CACNA2D1: variants seen among roughly 807,000 people sequenced by gnomAD.
CACNA2D1 encodes the protein voltage-dependent calcium channel subunit alpha-2/delta-1.
In CACNA2D1, 53 loss-of-function variants were observed where a neutral mutation model predicts 171.5. That is an observed-to-expected ratio of 0.31 (90% confidence interval 0.25 to 0.39). The LOEUF (loss-of-function observed/expected upper bound fraction) is 0.39, where lower values mean the gene tolerates loss of function less well. Among genes scored for constraint, CACNA2D1 ranks in the 10% least tolerant of loss-of-function variants. The probability of loss-of-function intolerance (pLI) is 1.00; values close to 1 mark genes in which losing one functional copy is unlikely to be tolerated. For synonymous variants in CACNA2D1, 442 were observed against 443.1 expected (o/e 1.00, Z 0.03); for missense variants, 903 against 1,299.8 (o/e 0.69, Z 4.69).
chr7:82,207,212 G>A (rs1272427887), intron 3 of CACNA2D1, among the ~76,000 whole-genome samples: 1 of 152,176 alleles, frequency 6.6e-6, no homozygotes, highest in Non-Finnish European at 1.5e-5. Flanking sequence ...TATTATATCA[G>A]CCCCTGGCTG....
At chr7:82,377,234 C>A (rs1313733033) in intron 1 of CACNA2D1, among the ~76,000 whole-genome samples, 1 of 152,150 alleles carries the variant, frequency 6.6e-6, no homozygotes, top group East Asian at 1.9e-4. Flanking sequence ...TGCCAAAAAA[C>A]CTAACATTCC....
rs555420156 is a variant in CACNA2D1 at position 82,093,643 on chromosome 7, G to T, written c.527-8743C>A. Among the ~76,000 whole-genome samples the T allele has an allele frequency of 2.5e-4, 38 of 152,214 alleles. 1 individual carries two copies. Among genetic ancestry groups the T allele is most frequent in the African/African-American group, 8.9e-4 (37 of 41,538 alleles). On this transcript the variant is annotated intron_variant, in intron 6 of 38. Coordinates refer to ENST00000356860, the MANE Select transcript of CACNA2D1 (RefSeq NM_000722.4). ...TTTAATATCTTATGTAACTTGGTGA[G>T]AAAATAATTTTTACAATGGCATATT...
At chr7:82,201,265 T>C (rs1799400715) in intron 3 of CACNA2D1, among the ~76,000 whole-genome samples, 2 of 152,062 alleles carry the variant, frequency 1.3e-5, no homozygotes, top group Non-Finnish European at 2.9e-5. Flanking sequence ...GGTTAATGAT[T>C]TAAGGAAAGA....
intron 4 of CACNA2D1, among the ~76,000 whole-genome samples, chr7:82,156,247 C>A (rs951561122): frequency 6.6e-6 from 1 of 152,110 alleles, no homozygotes; most frequent in Non-Finnish European, 1.5e-5. Flanking sequence ...AATTTAGTTA[C>A]AATCAGTGTC....
At chr7:82,395,223 A>C (rs543983375) in intron 1 of CACNA2D1, among the ~76,000 whole-genome samples, 1 of 152,244 alleles carries the variant, frequency 6.6e-6, no homozygotes, top group African/African-American at 2.4e-5. Context: ...AAAAAACTCC[A>C]ACTCTGATGG....
At chr7:82,419,661 T>C (rs1271173492) in intron 1 of CACNA2D1, among the ~76,000 whole-genome samples, 3 of 152,238 alleles carry the variant, frequency 2.0e-5, no homozygotes, top group Non-Finnish European at 2.9e-5. Flanking sequence ...CCTGTTTTAA[T>C]AGCATATTCG....
At chr7:82,005,636 T>C (rs1361690664) in intron 17 of CACNA2D1, 129 bp downstream of exon 17, 2 of 878,758 alleles carry the variant, frequency 2.3e-6, no homozygotes, top group African/African-American at 1.7e-5. Context: ...ATTTTAGAGA[T>C]GCTTTTAACC....
intron 3 of CACNA2D1, among the ~76,000 whole-genome samples, chr7:82,332,888 A>G (rs1252224294): frequency 7.2e-5 from 11 of 152,140 alleles, no homozygotes; most frequent in Admixed American, 2.0e-4. Flanking sequence ...AGTCCCAGCT[A>G]CTTGGAAGGC....
intron 15 of CACNA2D1, among the ~76,000 whole-genome samples, chr7:82,009,885 A>AT (rs951978979): frequency 2.0e-5 from 3 of 152,084 alleles, no homozygotes; most frequent in Non-Finnish European, 4.4e-5. Context: ...AACTCTTGTC[A>AT]TATCTCTTTT....
intron 6 of CACNA2D1, among the ~76,000 whole-genome samples, chr7:82,110,211 G>T (rs1788212355): frequency 6.6e-6 from 1 of 152,172 alleles, no homozygotes. Context: ...TTGGATGTTT[G>T]TATACTCCCA....
In CACNA2D1 at chr7:81,962,563, A is replaced by G. The variant is rs1246768210; in HGVS notation, c.2781-68T>C. The G allele has an allele frequency of 1.6e-5, 14 of 871,406 alleles. No individual in the cohort carries two copies. In the Admixed American group the frequency reaches 2.7e-4, roughly 17 times the overall value. 54.0% of individuals were successfully genotyped at this position (871,406 alleles called of 1,614,324 possible). The stretch of plus-strand genomic sequence containing the variant: ...AATGTGTTTTTACATGTACCCATAC[A>G]CATAAATACTGTTTCCCTTTATCTT... On this transcript the variant is annotated intron_variant, in intron 34 of 38. Transcript: ENST00000356860.
At chr7:82,262,358 A>C (rs1254999847) in intron 3 of CACNA2D1, among the ~76,000 whole-genome samples, 1 of 152,126 alleles carries the variant, frequency 6.6e-6, no homozygotes, top group East Asian at 1.9e-4. Context: ...TCCATCCATC[A>C]ATCAAACACT....
chr7:81,970,948 G>A (rs1474410006), intron 26 of CACNA2D1: 1 of 550,888 alleles, frequency 1.8e-6, no homozygotes, highest in Non-Finnish European at 3.3e-6. Flanking sequence ...TGACTGAGGT[G>A]CATTTTGAAC....
At chr7:82,297,016 C>T (rs754917536) in intron 3 of CACNA2D1, among the ~76,000 whole-genome samples, 27 of 138,408 alleles carry the variant, frequency 2.0e-4, no homozygotes, top group Admixed American at 3.9e-4. Context: ...GGGAAGATCG[C>T]TTAAGTCCAG....
chr7:81,971,207 G>C (rs1795230814), intron 26 of CACNA2D1: 4 of 182,418 alleles, frequency 2.2e-5, no homozygotes, highest in Non-Finnish European at 3.5e-5. Flanking sequence ...CTGCATTTTA[G>C]GAGTTAGATT....
intron 7 of CACNA2D1, among the ~76,000 whole-genome samples, chr7:82,074,816 A>G (rs1266519024): frequency 6.6e-6 from 1 of 152,162 alleles, no homozygotes; most frequent in Non-Finnish European, 1.5e-5. Context: ...TATTCAGATC[A>G]TATCACTATA....
chr7:81,965,043 G>A (rs1196216899), intron 32 of CACNA2D1, among the ~76,000 whole-genome samples: 4 of 151,796 alleles, frequency 2.6e-5, no homozygotes, highest in African/African-American at 9.7e-5. Flanking sequence ...ATCTAAAGGG[G>A]CAATCATGAG....
chr7:82,093,403 T>C (rs898276579), intron 6 of CACNA2D1, among the ~76,000 whole-genome samples: 5 of 152,198 alleles, frequency 3.3e-5, no homozygotes, highest in South Asian at 2.1e-4. Context: ...TTTATCTTGA[T>C]AAATTCTGAT....
intron 6 of CACNA2D1, among the ~76,000 whole-genome samples, chr7:82,092,740 A>G (rs1459809098): frequency 1.3e-5 from 2 of 151,866 alleles, no homozygotes; most frequent in African/African-American, 4.8e-5. Flanking sequence ...TAATTAAATG[A>G]GTAAATAAAT....
Sources: gnomAD v4.1 joint callset for allele counts (sites outside exome capture counted in the v4.1 genomes callset) on GRCh38, gnomAD v4.1.1 for gene constraint, MANE v1.5 for transcripts, NCBI Gene and HGNC (gene_info 2026-07-23, HGNC 2026-07-21) for gene names.